ABCF3: variants seen among roughly 807,000 people sequenced by gnomAD.
ABCF3 encodes ATP-binding cassette sub-family F member 3.
In ABCF3, 62 loss-of-function variants were observed where a neutral mutation model predicts 94.3. The ratio of observed to expected loss-of-function variants is 0.66; its 90% CI spans 0.54 to 0.81. ABCF3 has a LOEUF of 0.81. ABCF3 is among the 40% of genes least tolerant of loss of function. ABCF3 has a pLI of 0.00. For synonymous variants in ABCF3, 355 were observed against 361.1 expected, an observed-to-expected ratio of 0.98 and a Z score of 0.19; for missense variants, 843 against 925.3, an observed-to-expected ratio of 0.91 and a Z score of 1.15.
At chr3:184,192,966 A>G (rs997386775) in intron 18 of ABCF3, 70 bp downstream of exon 18, 69 of 1,591,902 alleles carry the variant, frequency 4.3e-5, no homozygotes, top group Non-Finnish European at 5.7e-5. Flanking sequence ...CCCGGCAGCT[A>G]GGCCTGCCTT....
chr3:184,188,442 G>A (rs761651072), intron 7 of ABCF3, 35 bp downstream of exon 7: 21 of 1,584,074 alleles, frequency 1.3e-5, no homozygotes, highest in African/African-American at 6.7e-5. Flanking sequence ...ACTAGCAGCC[G>A]CTGTCGCTTA....
intron 7 of ABCF3, 71 bp from the exon 8 acceptor site, chr3:184,188,690 A>G (rs1715807329): frequency 6.7e-7 from 1 of 1,495,046 alleles, no homozygotes; most frequent in African/African-American, 1.4e-5. Flanking sequence ...GGCCTTTCCA[A>G]CGGTATAGGG....
intron 8 of ABCF3, 34 bp downstream of exon 8, chr3:184,188,875 C>T (rs754073031): frequency 2.5e-6 from 4 of 1,614,156 alleles, no homozygotes; most frequent in Non-Finnish European, 3.4e-6. Context: ...CTTCAGATTT[C>T]CTTTCCCTTC....
chr3:184,188,420 G>C lies in ABCF3; in HGVS notation c.836+13G>C. On this transcript the variant is annotated intron_variant, in intron 7 of 20. Transcript: ENST00000429586. ...TTGCTGCTGGCAGGTGAGGACTCCCGGCTAGGGAGTAACTAGCAGCCGCTG... is the reference window on the plus strand; with the variant it reads ...TTGCTGCTGGCAGGTGAGGACTCCCCGCTAGGGAGTAACTAGCAGCCGCTG... 6.3e-7 allele frequency: 1 copy of C among 1,597,186 alleles called. No individual in the cohort carries two copies. The highest frequency in any genetic ancestry group is 8.6e-7 in the Non-Finnish European group (1 of 1,169,380).
chr3:184,192,771 T>G (rs1365133340), intron 17 of ABCF3, 34 bp from the exon 18 acceptor site: 1 of 1,612,816 alleles, frequency 6.2e-7, no homozygotes, highest in Non-Finnish European at 8.5e-7. Flanking sequence ...GCCATTGCCT[T>G]TGTCTGTTTT....
intron 14 of ABCF3, 142 bp from the exon 15 acceptor site, chr3:184,190,857 A>G (rs1246598099): frequency 9.3e-6 from 9 of 968,024 alleles, no homozygotes; most frequent in East Asian, 2.6e-5. Context: ...CATACAGTAA[A>G]TGAGAAGAAT....
intron 2 of ABCF3, 54 bp downstream of exon 2, chr3:184,186,708 G>A: frequency 6.3e-7 from 1 of 1,592,020 alleles, no homozygotes; most frequent in Non-Finnish European, 8.6e-7. Flanking sequence ...GAACGGTCCG[G>A]AGACAAGAGG....
At position 184,193,788 on chromosome 3, in the gene ABCF3, TC is replaced by T; in HGVS notation, c.*95del. The T allele has an allele frequency of 7.1e-7, 1 of 1,404,998 alleles. No homozygotes were observed. Among genetic ancestry groups the T allele is most frequent in the Non-Finnish European group, 9.5e-7 (1 of 1,054,112 alleles). The allele number at this position is 1,404,998 out of a possible 1,614,324, so 87.0% of individuals were successfully genotyped here. A position where few individuals can be genotyped will look rare whatever the true frequency, so the allele number is the denominator to read the frequency against. On this transcript the variant is annotated 3_prime_UTR_variant, in exon 21 of 21. Transcript: ENST00000429586. This position sits in a 1 kb window ranked among gnomAD's most constrained non-coding sequence, Gnocchi z 5.2. ...AGGCCACCACTCCAGGCCGTGGACT[TC>T]CCCCAACTTGGGGACAGCCTTATTC...
chr3:184,190,126 A>G (rs1715923879), intron 14 of ABCF3, 195 bp downstream of exon 14: 1 of 609,532 alleles, frequency 1.6e-6, no homozygotes, highest in Non-Finnish European at 2.9e-6. Context: ...GGCAACCACT[A>G]ATTTACTTTC....
intron 14 of ABCF3, 81 bp from the exon 15 acceptor site, chr3:184,190,918 G>C: frequency 3.3e-6 from 5 of 1,536,914 alleles, no homozygotes; most frequent in Non-Finnish European, 4.4e-6. Context: ...CCCTTTCTAA[G>C]TTTTCTCTGA....
At position 184,193,917 on chromosome 3, in the gene ABCF3, G is replaced by A; in HGVS notation, c.*219G>A. The A allele has an allele frequency of 1.7e-6, 1 of 589,916 alleles. No homozygotes were observed. The highest frequency in any genetic ancestry group is 2.9e-6 in the Non-Finnish European group (1 of 347,734). The allele number at this position is 589,916 out of a possible 1,614,324, so 36.5% of individuals were successfully genotyped here. A position where few individuals can be genotyped will look rare whatever the true frequency, so the allele number is the denominator to read the frequency against. On this transcript the variant is annotated 3_prime_UTR_variant, in exon 21 of 21. Coordinates refer to ENST00000429586, the MANE Select transcript of ABCF3 (RefSeq NM_018358.3). This position sits in a 1 kb window ranked among gnomAD's most constrained non-coding sequence, Gnocchi z 5.2. ...TCTCCCGGGGGTGGGGGTCTGGGGG[G>A]TACCCTCTGGGGTTATAGATTCCCC...
intron 16 of ABCF3, among the ~76,000 whole-genome samples, chr3:184,191,758 T>TTTTTTTTTTTTTTTTTTTTTTTG (rs1716042661): frequency 6.7e-6 from 1 of 149,048 alleles, no homozygotes; most frequent in Non-Finnish European, 1.5e-5. Flanking sequence ...CCTTTTTTTT[T>TTTTTTTTTTTTTTTTTTTTTTTG]TTTTTCGGAG....
At chr3:184,188,030 A>T (rs776763989) in intron 6 of ABCF3, 47 bp downstream of exon 6, 1 of 1,613,318 alleles carries the variant, frequency 6.2e-7, no homozygotes, top group South Asian at 1.1e-5. Context: ...TTCTAATTAG[A>T]GGACAATTTG....
chr3:184,187,812 A>G lies in ABCF3; in HGVS notation c.447-49A>G, dbSNP rs200690487. Reference sequence around the variant, plus strand: ...AGAGAGCAGAGCAGCTTTTGCCTGGACAGAAGGTGGTGGGGAGCACTAAGA... The same window carrying G: ...AGAGAGCAGAGCAGCTTTTGCCTGGGCAGAAGGTGGTGGGGAGCACTAAGA... On this transcript the variant is annotated intron_variant, in intron 5 of 20. Transcript: ENST00000429586. The G allele has an allele frequency of 1.3e-3, 2,086 of 1,613,986 alleles. 2 individuals carry two copies. Among genetic ancestry groups the G allele is most frequent in the Non-Finnish European group, 1.7e-3 (2,006 of 1,180,030 alleles).
At chr3:184,187,207 C>G in intron 3 of ABCF3, 190 bp from the exon 4 acceptor site, 1 of 724,716 alleles carries the variant, frequency 1.4e-6, no homozygotes, top group Non-Finnish European at 2.4e-6. Context: ...CCTCTGTATC[C>G]TTCTACGTGA....
At position 184,186,280 on chromosome 3, in the gene ABCF3, G is replaced by T; in HGVS notation, c.73G>T (p.Gly25Cys). ...IDGQVFDYVTGVLHSGSADFE... is the reference protein window; with the variant it reads ...IDGQVFDYVTCVLHSGSADFE... ...CGGACAAGTCTTCGACTACGTGACC[G>T]GTAAGCAGAACTGAATCGGCCGGCT... Residue 25 changes from glycine (G) to cysteine (C), a missense_variant and splice_region_variant, in exon 1 of 21, where the codon GGC becomes TGC. Coordinates refer to ENST00000429586, the MANE Select transcript of ABCF3 (RefSeq NM_018358.3). The T allele has an allele frequency of 6.2e-7, 1 of 1,614,214 alleles. No homozygotes were observed.
chr3:184,191,439 G>A (rs1158276064), intron 16 of ABCF3, among the ~76,000 whole-genome samples, 184 bp downstream of exon 16: 1 of 152,178 alleles, frequency 6.6e-6, no homozygotes, highest in Admixed American at 6.5e-5. Context: ...CTGCTCTTCA[G>A]GGAGGAAGAG....
At position 184,193,609 on chromosome 3, in the gene ABCF3, G is replaced by T; in HGVS notation, c.2041G>T (p.Glu681Ter). The T allele has an allele frequency of 6.2e-7, 1 of 1,614,154 alleles. No homozygotes were observed. The highest frequency in any genetic ancestry group is 8.5e-7 in the Non-Finnish European group (1 of 1,180,004). ...GGTGTGCCGGGAGTTGTGGGTATGC[G>T]AAGGAGGCGGCGTCACCCGTGTGGA... Reference protein sequence around the residue: ...RLVCRELWVCEGGGVTRVEGG... With the variant: ...RLVCRELWVC Residue 681 changes from glutamate (E) to a stop codon, truncating the protein, a stop_gained, in exon 21 of 21, where the codon GAA (glutamate) becomes TAA (stop). Transcript: ENST00000429586. LOFTEE classifies it high-confidence loss of function. The surrounding 1 kb of genome is among the most constrained non-coding windows in gnomAD (Gnocchi z 5.2).
At position 184,193,165 on chromosome 3, in the gene ABCF3, T is replaced by C. The variant is rs764432302; in HGVS notation, c.1814T>C (p.Met605Thr). Reference protein sequence around the residue: ...GRYGISGELAMRPLASLSGGQ... With the variant: ...GRYGISGELATRPLASLSGGQ... ...TATGGCATCTCCGGAGAACTGGCCA[T>C]GCGTCCTCTTGCCAGCCTGTCTGGG... The change falls in exon 19 of 21, where the codon ATG becomes ACG. Residue 605 changes from methionine to threonine, a missense_variant. Transcript: ENST00000429586. This position sits in a 1 kb window ranked among gnomAD's most constrained non-coding sequence, Gnocchi z 5.2. 19 of 1,568,486 alleles carry C rather than the reference T, an allele frequency of 1.2e-5. No individual in the cohort carries two copies. In the South Asian group the frequency reaches 2.2e-4, roughly 18 times the overall value.
Sources: allele counts gnomAD v4.1 joint callset (sites outside exome capture counted in the v4.1 genomes callset), GRCh38; gene constraint gnomAD v4.1.1; non-coding constraint Gnocchi (gnomAD v3.1); transcripts MANE v1.5; gene names NCBI Gene and HGNC (gene_info 2026-07-23, HGNC 2026-07-21).